Variants in AKAP9 observed in about 807,000 individuals in gnomAD.
AKAP9 encodes A-kinase anchoring protein 9.
AKAP9 carries 311 observed loss-of-function variants against 488.5 expected under a neutral mutation model. The observed-to-expected ratio is 0.64, with a 90% CI of 0.58 to 0.70. The LOEUF (loss-of-function observed/expected upper bound fraction) is 0.70. Among genes scored for constraint, AKAP9 ranks in the 30% least tolerant of loss-of-function variants. The pLI, the probability that AKAP9 is intolerant of heterozygous loss-of-function variation, is 0.00. For missense variants in AKAP9, 4,215 were observed against 4,374.5 expected (o/e 0.96, Z 1.03); for synonymous variants, 1,462 against 1,483.5 (o/e 0.99, Z 0.33).
intron 17 of AKAP9, among the ~76,000 whole-genome samples, chr7:92,039,314 A>G (rs1327270006): frequency 6.6e-6 from 1 of 152,192 alleles, no homozygotes; most frequent in Non-Finnish European, 1.5e-5. Flanking sequence ...TATCTTAAAG[A>G]TGTTGTACCT....
intron 9 of AKAP9, 68 bp downstream of exon 9, chr7:92,012,710 A>G (rs574893225): frequency 1.5e-6 from 2 of 1,350,980 alleles, no homozygotes; most frequent in Admixed American, 1.9e-5. Flanking sequence ...ACCATTCTAT[A>G]ATTTTTTCCT....
At chr7:92,076,574 CAGG>C (rs2130855245) in intron 28 of AKAP9, among the ~76,000 whole-genome samples, 1 of 152,240 alleles carries the variant, frequency 6.6e-6, no homozygotes, top group African/African-American at 2.4e-5. Flanking sequence ...TTTTCTGCTT[CAGG>C]AGAAGAGACT....
chr7:92,062,285 G>A lies in AKAP9; in HGVS notation c.5776G>A (p.Gly1926Ser), dbSNP rs149204469. The change falls in exon 24 of 50, where the codon GGC becomes AGC. Residue 1926 changes from glycine (G) to serine (S), a missense_variant. Physicochemically the swap from Gly to Ser is moderately conservative, Grantham distance 56. Coordinates refer to ENST00000356239, the MANE Select transcript of AKAP9 (RefSeq NM_005751.5). ...ELSKAEGVID[G>S]YADEKTLFER... ...ATTTTGTATTATAGGCGTCATTGAT[G>A]GCTATGCAGATGAAAAAACTCTTTT... 18 of 1,612,066 alleles carry A rather than the reference G, an allele frequency of 1.1e-5. No individual in the cohort carries two copies. In the African/African-American group the frequency reaches 1.9e-4, roughly 17 times the overall value.
intron 1 of AKAP9, among the ~76,000 whole-genome samples, chr7:91,950,378 C>T (rs1244925564): frequency 1.3e-5 from 2 of 151,954 alleles, no homozygotes; most frequent in African/African-American, 2.4e-5. Context: ...CACAGGTGCA[C>T]GCTGCCAAGC....
At chr7:91,958,325 A>G (rs191144199) in intron 1 of AKAP9, among the ~76,000 whole-genome samples, 11 of 152,290 alleles carry the variant, frequency 7.2e-5, no homozygotes, top group Non-Finnish European at 8.8e-5. Context: ...GAGAGTGTCT[A>G]TTTGTTACAA....
intron 1 of AKAP9, among the ~76,000 whole-genome samples, chr7:91,967,236 T>C (rs1039818374): frequency 6.6e-6 from 1 of 152,180 alleles, no homozygotes; most frequent in African/African-American, 2.4e-5. Context: ...TAGGTTTTTC[T>C]AAGTATAAGA....
chr7:92,093,046 C>T (rs906151983), intron 38 of AKAP9, 51 bp from the exon 39 acceptor site: 1 of 1,475,060 alleles, frequency 6.8e-7, no homozygotes, highest in Non-Finnish European at 9.4e-7. Context: ...ATTTATAAAC[C>T]AAATATGAGT....
intron 14 of AKAP9, among the ~76,000 whole-genome samples, chr7:92,023,479 A>G (rs1285502769): frequency 1.3e-5 from 2 of 152,086 alleles, no homozygotes; most frequent in African/African-American, 2.4e-5. Flanking sequence ...AGCTATATCC[A>G]TCTGTCGTTA....
chr7:91,981,603 C>CTTTT (rs532220900), intron 3 of AKAP9, among the ~76,000 whole-genome samples: 3 of 106,638 alleles, frequency 2.8e-5, no homozygotes, highest in African/African-American at 7.1e-5. Context: ...TCTTGTATTT[C>CTTTT]TTTTTTTTTT....
Position 92,110,606 on chromosome 7 carries a change from A to C in AKAP9, c.*447A>C, listed in dbSNP as rs968787376. On this transcript the variant is annotated 3_prime_UTR_variant, in exon 50 of 50. Transcript: ENST00000356239. Reference sequence around the variant, plus strand: ...GAGACCTATTTTTGTATAATGGTAGAAGTTTTGAATTTTATGGGGTATTTT... The same window carrying C: ...GAGACCTATTTTTGTATAATGGTAGCAGTTTTGAATTTTATGGGGTATTTT... The C allele has an allele frequency of 9.4e-6, 2 of 213,530 alleles. No homozygotes were observed. The highest frequency in any genetic ancestry group is 9.5e-6 in the Non-Finnish European group (1 of 105,782). The allele number at this position is 213,530 out of a possible 1,614,324, so 13.2% of individuals were successfully genotyped here.
At chr7:91,949,724 A>G (rs1221710538) in intron 1 of AKAP9, among the ~76,000 whole-genome samples, 3 of 152,204 alleles carry the variant, frequency 2.0e-5, no homozygotes, top group Non-Finnish European at 4.4e-5. Flanking sequence ...AAAAGTGTTC[A>G]ATATTCAGAG....
At chr7:92,057,357 T>G (rs1057066044) in intron 22 of AKAP9, among the ~76,000 whole-genome samples, 12 of 152,118 alleles carry the variant, frequency 7.9e-5, no homozygotes, top group African/African-American at 2.9e-4. Flanking sequence ...ATTAAAGCAA[T>G]TTTTTAATGG....
intron 16 of AKAP9, among the ~76,000 whole-genome samples, chr7:92,036,008 A>G (rs938646075): frequency 1.3e-5 from 2 of 151,498 alleles, no homozygotes; most frequent in African/African-American, 4.8e-5. Flanking sequence ...AAAATTCTTT[A>G]GAAGTTTTTT....
chr7:92,022,863 T>TAAA lies in AKAP9; in HGVS notation c.4003_4005dup (p.Lys1335dup), dbSNP rs869283047. ...CTTCTCTGCAAGATCTTGAAAAAACTAAACTTGAAGAACAAGTTCAAGAAT... is the reference window on the plus strand; with the variant it reads ...CTTCTCTGCAAGATCTTGAAAAAACTAAAAAACTTGAAGAACAAGTTCAAGAAT... On this transcript the variant is annotated inframe_insertion, in exon 14 of 50. Transcript: ENST00000356239. 6.9e-7 allele frequency: 1 copy of TAAA among 1,455,658 alleles called. No individual in the cohort carries two copies. The allele number at this position is 1,455,658 out of a possible 1,614,324, so 90.2% of individuals were successfully genotyped here.
rs1338186429 is a variant in AKAP9, at chr7:92,065,464, G to A, written c.6210+1G>A. ...AGAAAAAATGAGAAAATTTTTAGAT[G>A]TAAGTATTCTCAAGTTGAATACTGA... On this transcript the variant is annotated splice_donor_variant, in intron 25 of 49. Coordinates refer to ENST00000356239, the MANE Select transcript of AKAP9 (RefSeq NM_005751.5). LOFTEE classifies it high-confidence loss of function. 4.4e-6 allele frequency: 7 copies of A among 1,595,204 alleles called. No homozygotes were observed. Among genetic ancestry groups the A allele is most frequent in the South Asian group, 1.1e-5 (1 of 90,318 alleles).
intron 1 of AKAP9, among the ~76,000 whole-genome samples, chr7:91,951,315 C>T (rs1374539563): frequency 6.6e-6 from 1 of 151,506 alleles, no homozygotes; most frequent in African/African-American, 2.4e-5. Context: ...TCTTTTATTT[C>T]TCTTTTTTTT....
intron 16 of AKAP9, among the ~76,000 whole-genome samples, chr7:92,033,918 G>A (rs1778297907): frequency 6.6e-6 from 1 of 152,174 alleles, no homozygotes; most frequent in Non-Finnish European, 1.5e-5. Context: ...GAATAAAAGA[G>A]GATGAAATCT....
At chr7:92,095,368 T>C (rs1270897159) in intron 40 of AKAP9, among the ~76,000 whole-genome samples, 195 bp downstream of exon 40, 1 of 152,228 alleles carries the variant, frequency 6.6e-6, no homozygotes, top group Non-Finnish European at 1.5e-5. Flanking sequence ...TTTTTGTTTG[T>C]TTGTTTGTTT....
chr7:92,075,471 A>G (rs1812430808), intron 28 of AKAP9, among the ~76,000 whole-genome samples: 1 of 152,246 alleles, frequency 6.6e-6, no homozygotes, highest in South Asian at 2.1e-4. Flanking sequence ...TACTGAGTTT[A>G]ATAACCAGTG....
Sources: gnomAD v4.1 joint callset for allele counts (sites outside exome capture counted in the v4.1 genomes callset) on GRCh38, gnomAD v4.1.1 for gene constraint, MANE v1.5 for transcripts, NCBI Gene and HGNC (gene_info 2026-07-23, HGNC 2026-07-21) for gene names.